The following ZFHX3 variants were observed in gnomAD, a reference collection of about 807,000 sequenced individuals.
ZFHX3 encodes zinc finger homeobox 3.
ZFHX3 carries 42 observed loss-of-function variants against 279.1 expected under a neutral mutation model. The ratio of observed to expected loss-of-function variants is 0.15; its 90% CI spans 0.12 to 0.19. ZFHX3 has a LOEUF of 0.19. Among genes scored for constraint, ZFHX3 ranks in the 10% least tolerant of loss-of-function variants. The probability of loss-of-function intolerance (pLI) is 1.00; values close to 1 mark genes in which losing one functional copy is unlikely to be tolerated. For missense variants in ZFHX3, 4,981 were observed against 4,754.0 expected (o/e 1.05, Z -1.40); for synonymous variants, 2,293 against 1,957.8 (o/e 1.17, Z -4.52).
chr16:72,959,156 G>C lies in ZFHX3; in HGVS notation c.990C>G (p.Gly330=), dbSNP rs763089054. The change falls in exon 2 of 10, where the codon GGC becomes GGG. Residue 330 remains glycine, a synonymous_variant. Coordinates refer to ENST00000268489, the MANE Select transcript of ZFHX3 (RefSeq NM_006885.4). ...KNISAIIQGI[G]KDKEPLVSFL... is the part of the protein sequence containing the mutation. Reference sequence around the variant, plus strand: ...AACTTACAAGGGGTTCCTTGTCTTTGCCGATCCCTTGGATGATAGCGGAGA... The same window carrying C: ...AACTTACAAGGGGTTCCTTGTCTTTCCCGATCCCTTGGATGATAGCGGAGA... 6.2e-7 allele frequency: 1 copy of C among 1,614,234 alleles called. No homozygotes were observed. The highest frequency in any genetic ancestry group is 8.5e-7 in the Non-Finnish European group (1 of 1,180,054).
At chr16:73,506,368 T>C (rs1233889981) in intron 2 of ZFHX3, among the ~76,000 whole-genome samples, 1 of 152,158 alleles carries the variant, frequency 6.6e-6, no homozygotes, top group Non-Finnish European at 1.5e-5. Context: ...TACTTCCCTT[T>C]CCTTCCCTAA....
chr16:73,860,286 C>T (rs1400611612), intron 1 of ZFHX3, among the ~76,000 whole-genome samples: 2 of 152,112 alleles, frequency 1.3e-5, no homozygotes, highest in African/African-American at 2.4e-5. Flanking sequence ...CCAAGAGCAG[C>T]GGAATCACTG....
chr16:73,406,857 AT>A (rs1438660005), intron 3 of ZFHX3, among the ~76,000 whole-genome samples: 5 of 152,330 alleles, frequency 3.3e-5, no homozygotes, highest in Admixed American at 2.0e-4. Flanking sequence ...CAGCCTTATC[AT>A]CTTGAGCTTT....
At chr16:73,439,237 C>A (rs925704650) in intron 3 of ZFHX3, among the ~76,000 whole-genome samples, 1 of 152,106 alleles carries the variant, frequency 6.6e-6, no homozygotes, top group African/African-American at 2.4e-5. Flanking sequence ...TGATGCTGAC[C>A]GGGCTTCTTA....
chr16:72,853,739 A>G (rs2037676335), intron 4 of ZFHX3, among the ~76,000 whole-genome samples: 2 of 152,154 alleles, frequency 1.3e-5, no homozygotes, highest in Admixed American at 1.3e-4. Context: ...GCGGGGAAGG[A>G]AGAAAAGGAA....
At chr16:72,901,554 G>A (rs1196181477) in intron 3 of ZFHX3, among the ~76,000 whole-genome samples, 8 of 152,246 alleles carry the variant, frequency 5.3e-5, no homozygotes, top group South Asian at 2.1e-4. Flanking sequence ...AGAAAGTGAC[G>A]GGGCGAGGCA....
At chr16:72,865,436 A>T (rs773489756) in intron 4 of ZFHX3, among the ~76,000 whole-genome samples, 2 of 152,208 alleles carry the variant, frequency 1.3e-5, no homozygotes, top group Admixed American at 1.3e-4. Flanking sequence ...GTGCTGGGCC[A>T]TATCAGGCAT....
intron 3 of ZFHX3, among the ~76,000 whole-genome samples, chr16:72,928,042 A>G (rs1037100350): frequency 4.9e-5 from 7 of 143,176 alleles, no homozygotes; most frequent in Non-Finnish European, 1.1e-4. Context: ...TGGGGCTGGC[A>G]CCGTGCCAAG....
intron 4 of ZFHX3, among the ~76,000 whole-genome samples, chr16:72,868,423 C>A (rs571607019): frequency 2.0e-5 from 3 of 152,338 alleles, no homozygotes; most frequent in African/African-American, 7.2e-5. Flanking sequence ...GTGTCTCACT[C>A]TAACCTAGAC....
intron 2 of ZFHX3, among the ~76,000 whole-genome samples, chr16:73,640,042 T>C (rs2052560480): frequency 6.6e-6 from 1 of 152,160 alleles, no homozygotes. Context: ...CCTCCATCCC[T>C]CAAAGCCAGG....
At chr16:73,779,175 T>A (rs1236128134) in intron 1 of ZFHX3, among the ~76,000 whole-genome samples, 1 of 152,180 alleles carries the variant, frequency 6.6e-6, no homozygotes, top group Non-Finnish European at 1.5e-5. Flanking sequence ...TCCCAACATG[T>A]GCCAAAGTAT....
chr16:73,566,726 C>T (rs1212813975), intron 2 of ZFHX3, among the ~76,000 whole-genome samples: 1 of 143,150 alleles, frequency 7.0e-6, no homozygotes, highest in African/African-American at 2.6e-5. Context: ...CAGAGTTTCA[C>T]TCTTGTTGTC....
At chr16:73,759,265 G>A (rs1244414687) in intron 1 of ZFHX3, among the ~76,000 whole-genome samples, 3 of 152,138 alleles carry the variant, frequency 2.0e-5, no homozygotes. Context: ...CCCATCACAT[G>A]AGCCAAAGTG....
intron 1 of ZFHX3, among the ~76,000 whole-genome samples, chr16:73,795,190 T>C (rs1959955434): frequency 6.6e-6 from 1 of 152,176 alleles, no homozygotes; most frequent in African/African-American, 2.4e-5. Flanking sequence ...GAGGATCAAA[T>C]ACCCTGAGCA....
intron 1 of ZFHX3, among the ~76,000 whole-genome samples, chr16:73,850,518 A>G (rs1339253119): frequency 6.6e-6 from 1 of 152,162 alleles, no homozygotes; most frequent in Non-Finnish European, 1.5e-5. Context: ...ACTCTCGGGG[A>G]AAAGGGAGTG....
intron 1 of ZFHX3, among the ~76,000 whole-genome samples, chr16:72,985,473 G>A (rs141139348): frequency 2.0e-5 from 3 of 152,290 alleles, no homozygotes; most frequent in South Asian, 2.1e-4. Flanking sequence ...TTCTACACAC[G>A]TCAATTTTTC....
chr16:73,126,139 C>G (rs1180021614), intron 7 of ZFHX3, among the ~76,000 whole-genome samples: 5 of 152,034 alleles, frequency 3.3e-5, no homozygotes, highest in Admixed American at 6.6e-5. Context: ...AGCCAAGGAC[C>G]AGAATGATGG....
chr16:73,219,084 T>C (rs776905441), intron 5 of ZFHX3, among the ~76,000 whole-genome samples: 3 of 152,244 alleles, frequency 2.0e-5, no homozygotes, highest in African/African-American at 7.2e-5. Flanking sequence ...CTTAACCTAA[T>C]GTCTTCAAGG....
intron 1 of ZFHX3, among the ~76,000 whole-genome samples, chr16:73,876,992 C>A (rs2029969706): frequency 6.6e-6 from 1 of 150,650 alleles, no homozygotes; most frequent in Non-Finnish European, 1.5e-5. Flanking sequence ...AGTGAGAAAT[C>A]ATGCTAAATA....
Sources: allele counts gnomAD v4.1 joint callset (sites outside exome capture counted in the v4.1 genomes callset), GRCh38; gene constraint gnomAD v4.1.1; transcripts MANE v1.5; gene names NCBI Gene and HGNC (gene_info 2026-07-23, HGNC 2026-07-21).